TSEN2: variants seen among roughly 807,000 people sequenced by gnomAD.
TSEN2 encodes the protein tRNA-splicing endonuclease subunit Sen2.
A neutral mutation model predicts 59.2 loss-of-function variants in TSEN2; 54 were observed. The ratio of observed to expected loss-of-function variants is 0.91; its 90% CI spans 0.73 to 1.14. TSEN2 has a LOEUF of 1.14. Among genes scored for constraint, TSEN2 ranks in the 50% most tolerant of loss-of-function variants. The pLI, the probability that TSEN2 is intolerant of heterozygous loss-of-function variation, is 0.00. For missense variants in TSEN2, 636 were observed against 576.2 expected (o/e 1.10, Z -1.06); for synonymous variants, 195 against 198.2 (o/e 0.98, Z 0.14).
chr3:12,486,178 G>T (rs2052594861), intron 1 of TSEN2, among the ~76,000 whole-genome samples: 1 of 152,190 alleles, frequency 6.6e-6, no homozygotes, highest in African/African-American at 2.4e-5. Context: ...CATGCAGTGA[G>T]TGCCTCTGGC....
chr3:12,536,801 A>C (rs993893012), downstream of TSEN2, among the ~76,000 whole-genome samples: 2 of 151,994 alleles, frequency 1.3e-5, no homozygotes, highest in Non-Finnish European at 2.9e-5. Flanking sequence ...AGGAGTTCAA[A>C]AACTAGAGTG....
intron 6 of TSEN2, 149 bp from the exon 7 acceptor site, chr3:12,516,462 G>C (rs541965165): frequency 4.5e-6 from 3 of 659,800 alleles, no homozygotes; most frequent in Non-Finnish European, 2.7e-6. Context: ...GTGTGTGTGT[G>C]TGTGTGTGTG....
intron 8 of TSEN2, among the ~76,000 whole-genome samples, chr3:12,528,249 A>C (rs1402039801): frequency 6.6e-6 from 1 of 152,046 alleles, no homozygotes; most frequent in African/African-American, 2.4e-5. Flanking sequence ...TGAATTTTAC[A>C]CCTCTCAGTA....
chr3:12,505,335 T>A (rs942942457), intron 6 of TSEN2, 104 bp downstream of exon 6: 1 of 784,274 alleles, frequency 1.3e-6, no homozygotes, highest in Non-Finnish European at 2.3e-6. Context: ...ATTCAATTAT[T>A]GAATATTGTA....
intron 7 of TSEN2, among the ~76,000 whole-genome samples, chr3:12,518,002 C>G (rs2056306227): frequency 6.6e-6 from 1 of 151,982 alleles, no homozygotes. Flanking sequence ...GAGCCAGTCT[C>G]ACTGAGTGAC....
chr3:12,505,105 A>G, intron 5 of TSEN2, 49 bp from the exon 6 acceptor site: 1 of 1,036,350 alleles, frequency 9.6e-7, no homozygotes, highest in Non-Finnish European at 1.5e-6. Context: ...TCTCTATGAC[A>G]TGTAGTGCTT....
Position 12,509,159 on chromosome 3 carries a change from A to C in TSEN2, c.909+3928A>C, listed in dbSNP as rs533898526. ...AAGCAGTTGCATAATGCTGTCATGA[A>C]GTTAGGGCTGTCAACTTTGGGGGTT... On this transcript the variant is annotated intron_variant, in intron 6 of 11. Coordinates refer to ENST00000284995, the MANE Select transcript of TSEN2 (RefSeq NM_025265.4). Among the ~76,000 whole-genome samples the C allele has an allele frequency of 1.1e-3, 167 of 151,672 alleles. 2 individuals are homozygous for C. Among genetic ancestry groups the C allele is most frequent in the Admixed American group, 2.2e-3 (34 of 15,244 alleles).
At chr3:12,513,991 A>G (rs1208681721) in intron 6 of TSEN2, among the ~76,000 whole-genome samples, 1 of 152,192 alleles carries the variant, frequency 6.6e-6, no homozygotes, top group African/African-American at 2.4e-5. Context: ...CTTTCAACAC[A>G]AGCATTGAAC....
chr3:12,509,719 A>G (rs1413447245), intron 6 of TSEN2, among the ~76,000 whole-genome samples: 1 of 152,170 alleles, frequency 6.6e-6, no homozygotes, highest in Non-Finnish European at 1.5e-5. Context: ...TTGAGGGACT[A>G]AGAAGTTCGG....
chr3:12,509,937 CAG>C (rs968412310), intron 6 of TSEN2, among the ~76,000 whole-genome samples: 18 of 152,132 alleles, frequency 1.2e-4, no homozygotes, highest in African/African-American at 2.9e-4. Flanking sequence ...TTGGTGAGCA[CAG>C]AGTTAGCCTG....
At chr3:12,526,627 T>C (rs78531573) in intron 8 of TSEN2, among the ~76,000 whole-genome samples, 2 of 152,352 alleles carry the variant, frequency 1.3e-5, no homozygotes, top group East Asian at 3.9e-4. Flanking sequence ...ACTGTAATTG[T>C]TACTAGCATA....
downstream of TSEN2, among the ~76,000 whole-genome samples, chr3:12,536,361 G>A (rs1321277166): frequency 6.6e-6 from 1 of 152,130 alleles, no homozygotes; most frequent in East Asian, 1.9e-4. Flanking sequence ...GATCATTTTA[G>A]TGTTTCAGAT....
rs1005011622 is a variant in TSEN2, at chr3:12,533,300, T to C, written c.*579T>C. 6.4e-6 allele frequency: 1 copy of C among 155,288 alleles called. No individual in the cohort carries two copies. The highest frequency in any genetic ancestry group is 1.4e-5 in the Non-Finnish European group (1 of 70,014). 9.6% of individuals were successfully genotyped at this position (155,288 alleles called of 1,614,324 possible). On this transcript the variant is annotated 3_prime_UTR_variant, in exon 12 of 12. Transcript: ENST00000284995. ...ATTTGGCAAAATATAATAAAGCCTT[T>C]TTGTAATTGGTGAGAAAGTCATGAA...
At chr3:12,535,455 T>G (rs114387024), downstream of TSEN2, among the ~76,000 whole-genome samples, 1,721 of 152,344 alleles carry the variant, frequency 0.011, 24 homozygotes, top group Admixed American at 0.017. Context: ...ATCTCTTAAG[T>G]GAAAGGTTTC....
At chr3:12,501,307 C>T (rs1462985459) in intron 4 of TSEN2, among the ~76,000 whole-genome samples, 2 of 152,202 alleles carry the variant, frequency 1.3e-5, no homozygotes, top group African/African-American at 2.4e-5. Context: ...AAGTAATTTG[C>T]ATTGCCACAC....
downstream of TSEN2, among the ~76,000 whole-genome samples, chr3:12,536,705 T>G (rs1411601955): frequency 6.6e-6 from 1 of 152,028 alleles, no homozygotes; most frequent in East Asian, 1.9e-4. Flanking sequence ...GTGGTCTTAT[T>G]TATAAGAGGA....
intron 4 of TSEN2, 90 bp downstream of exon 4, chr3:12,496,644 A>G: frequency 7.6e-7 from 1 of 1,317,006 alleles, no homozygotes; most frequent in South Asian, 1.2e-5. Flanking sequence ...AGTCCAGTCC[A>G]CACCTTTTTT....
chr3:12,516,903 A>G (rs751017438), intron 7 of TSEN2, among the ~76,000 whole-genome samples: 10 of 152,212 alleles, frequency 6.6e-5, no homozygotes, highest in Non-Finnish European at 1.2e-4. Context: ...AGTATCTTGT[A>G]CTGGATAATG....
At chr3:12,497,890 G>A (rs141215548) in intron 4 of TSEN2, among the ~76,000 whole-genome samples, 1 of 152,144 alleles carries the variant, frequency 6.6e-6, no homozygotes, top group Non-Finnish European at 1.5e-5. Context: ...CAAGGTGTCA[G>A]CAGGGCCACA....
Sources: allele counts gnomAD v4.1 joint callset (sites outside exome capture counted in the v4.1 genomes callset), GRCh38; gene constraint gnomAD v4.1.1; transcripts MANE v1.5; gene names NCBI Gene and HGNC (gene_info 2026-07-23, HGNC 2026-07-21).